The following RIF1 variants were observed in gnomAD, a reference collection of about 807,000 sequenced individuals.
RIF1 encodes the protein replication timing regulatory factor 1, also known as telomere-associated protein RIF1.
RIF1 carries 45 observed loss-of-function variants against 247.1 expected under a neutral mutation model. The ratio of observed to expected loss-of-function variants is 0.18; its 90% CI spans 0.14 to 0.23. RIF1 has a LOEUF of 0.23. RIF1 is among the 10% of genes least tolerant of loss of function. The pLI is 1.00. For synonymous variants in RIF1, 1,087 were observed against 978.8 expected, an observed-to-expected ratio of 1.11 and a Z score of -2.06; for missense variants, 2,967 against 2,862.5, an observed-to-expected ratio of 1.04 and a Z score of -0.83.
At chr2:151,429,065 A>G (rs1238830796) in intron 9 of RIF1, 143 bp downstream of exon 9, 2 of 595,510 alleles carry the variant, frequency 3.4e-6, no homozygotes, top group African/African-American at 1.9e-5. Flanking sequence ...ACAGGAATAA[A>G]TTTGTACTGA....
Position 151,435,586 on chromosome 2 carries a change from A to C in RIF1, c.1195+6A>C. The C allele has an allele frequency of 1.4e-6, 2 of 1,479,606 alleles. No individual in the cohort carries two copies. Among genetic ancestry groups the C allele is most frequent in the Non-Finnish European group, 1.9e-6 (2 of 1,058,718 alleles). 91.7% of individuals were successfully genotyped at this position (1,479,606 alleles called of 1,614,324 possible). On this transcript the variant is annotated splice_donor_region_variant and intron_variant, in intron 11 of 35. Transcript: ENST00000444746. The stretch of plus-strand genomic sequence containing the variant: ...TATGACTCCTGTACACAAAGGTAAG[A>C]GGTAGATATTCTTGTTTTTTGCTTT...
At chr2:151,494,044 A>C in intron 9 of RIF1, 1 of 960,550 alleles carries the variant, frequency 1.0e-6, no homozygotes, top group Non-Finnish European at 1.6e-6. Context: ...TATTTAGAGC[A>C]GATGCAAATG....
At chr2:151,474,459 G>A (rs542851743) in intron 35 of RIF1, among the ~76,000 whole-genome samples, 12 of 152,256 alleles carry the variant, frequency 7.9e-5, no homozygotes, top group African/African-American at 2.9e-4. Flanking sequence ...TGGGTGGATC[G>A]CTTGAGGTCA....
chr2:151,502,980 C>CA, intron 11 of RIF1: 2 of 717,184 alleles, frequency 2.8e-6, no homozygotes, highest in South Asian at 3.5e-5. Context: ...TGTGAGGAGG[C>CA]AGTTTTTTAG....
Position 151,479,856 on chromosome 2 carries a change from A to T in RIF1, c.*4785A>T, listed in dbSNP as rs1232741342. On this transcript the variant is annotated 3_prime_UTR_variant, in exon 36 of 36. Coordinates refer to ENST00000444746, the MANE Select transcript of RIF1 (RefSeq NM_018151.5). ...TAAAAATTTATCAAAATTTATTGATAGTTTGATCTGTAAAACAAATTGGGT... is the reference window on the plus strand; with the variant it reads ...TAAAAATTTATCAAAATTTATTGATTGTTTGATCTGTAAAACAAATTGGGT... 6.6e-6 allele frequency: 1 copy of T among 152,216 alleles called. No individual in the cohort carries two copies. The highest frequency in any genetic ancestry group is 2.4e-5 in the African/African-American group (1 of 41,470). The allele number at this position is 152,216 out of a possible 1,614,324, so 9.4% of individuals were successfully genotyped here.
chr2:151,449,876 CTTG>C (rs1285388243), intron 20 of RIF1, among the ~76,000 whole-genome samples: 1 of 140,350 alleles, frequency 7.1e-6, no homozygotes, highest in African/African-American at 2.6e-5. Flanking sequence ...GAGTTTCACT[CTTG>C]TTGTCCAGGC....
the RIF1 span, among the ~76,000 whole-genome samples, chr2:151,533,128 C>A: frequency 2.0e-5 from 3 of 152,136 alleles, no homozygotes; most frequent in African/African-American, 7.2e-5. Flanking sequence ...TATCTTCAAT[C>A]TCTAAGGAAT....
chr2:151,505,098 G>A (rs2067762355), intron 12 of RIF1, among the ~76,000 whole-genome samples: 1 of 152,194 alleles, frequency 6.6e-6, no homozygotes, highest in South Asian at 2.1e-4. Flanking sequence ...ACCAAAGTAT[G>A]TTATACTACT....
chr2:151,439,972 C>CAA (rs1165450117), intron 14 of RIF1, 55 bp from the exon 15 acceptor site: 7,884 of 273,918 alleles, frequency 0.029, 79 homozygotes, highest in East Asian at 0.035. Context: ...GACCCTGTCT[C>CAA]AAAAAAAAAA....
rs185067234 is a variant in RIF1, at chr2:151,459,111, C to G, written c.2955+201C>G. On this transcript the variant is annotated intron_variant, in intron 25 of 35. Transcript: ENST00000444746. ...ATAATCTCTAATTCTTGTCATTAAT[C>G]ATTTGTTTTGAACTCGGGTACCTCA... Among the ~76,000 whole-genome samples the G allele has an allele frequency of 4.0e-3, 614 of 152,266 alleles. 2 individuals carry two copies. The highest frequency in any genetic ancestry group is 6.6e-3 in the Non-Finnish European group (448 of 68,000).
At position 151,463,460 on chromosome 2, in the gene RIF1, A is replaced by G; in HGVS notation, c.3940A>G (p.Thr1314Ala). 1.9e-6 allele frequency: 3 copies of G among 1,614,058 alleles called. No individual in the cohort carries two copies. The highest frequency in any genetic ancestry group is 1.3e-5 in the African/African-American group (1 of 75,062). ...AATGAGATCTGAGCCGGAGAAAAATACTGAGGAATCTGTTGAAGGCATTGT... is the reference window on the plus strand; with the variant it reads ...AATGAGATCTGAGCCGGAGAAAAATGCTGAGGAATCTGTTGAAGGCATTGT... ...PLMRSEPEKN[T>A]EESVEGIVVL... Residue 1314 changes from threonine to alanine, a missense_variant, in exon 30 of 36, where the codon ACT (threonine) becomes GCT (alanine). This residue lies in a region of RIF1 where 2,028 missense variants were observed against 1,825.6 expected (regional missense o/e 1.11). Coordinates refer to ENST00000444746, the MANE Select transcript of RIF1 (RefSeq NM_018151.5).
the RIF1 span, among the ~76,000 whole-genome samples, chr2:151,514,059 AAT>A: frequency 2.0e-5 from 3 of 152,250 alleles, no homozygotes; most frequent in East Asian, 5.8e-4. Context: ...GAGCACACCA[AAT>A]ATATCAAGTT....
chr2:151,495,119 TTAAG>T (rs2059356470), intron 9 of RIF1: 1 of 152,366 alleles, frequency 6.6e-6, no homozygotes, highest in East Asian at 1.9e-4. Context: ...CAGCTTATCA[TTAAG>T]GAATAAGGTT....
At chr2:151,484,157 A>G (rs918779690), downstream of RIF1, among the ~76,000 whole-genome samples, 1 of 152,198 alleles carries the variant, frequency 6.6e-6, no homozygotes, top group Non-Finnish European at 1.5e-5. Flanking sequence ...TGTGGAACTC[A>G]AGGATCTTGG....
chr2:151,528,537 C>T, the RIF1 span, among the ~76,000 whole-genome samples: 1 of 152,184 alleles, frequency 6.6e-6, no homozygotes, highest in African/African-American at 2.4e-5. Flanking sequence ...TCAATCCATC[C>T]TCAGGATACG....
chr2:151,422,523 A>G (rs1223661096), intron 7 of RIF1, among the ~76,000 whole-genome samples: 1 of 147,580 alleles, frequency 6.8e-6, no homozygotes, highest in African/African-American at 2.5e-5. Flanking sequence ...TTTTTTTGAG[A>G]CAGTCTTGCT....
At chr2:151,444,758 A>G (rs976184022) in intron 18 of RIF1, among the ~76,000 whole-genome samples, 15 of 152,214 alleles carry the variant, frequency 9.9e-5, no homozygotes, top group African/African-American at 3.6e-4. Flanking sequence ...CTGTGTATGT[A>G]TAGTAGAAGA....
At chr2:151,449,747 T>G in intron 20 of RIF1, among the ~76,000 whole-genome samples, 1 of 122,340 alleles carries the variant, frequency 8.2e-6, no homozygotes, top group East Asian at 2.4e-4. Flanking sequence ...TCTTTGTCTT[T>G]AATACATTGA....
chr2:151,442,791 T>TTG (rs1357954983), intron 16 of RIF1, among the ~76,000 whole-genome samples: 16 of 114,842 alleles, frequency 1.4e-4, no homozygotes, highest in Non-Finnish European at 2.8e-4. Context: ...TTTTTTTTTT[T>TTG]GAGACAGAGT....
Sources: gnomAD v4.1 joint callset for allele counts (sites outside exome capture counted in the v4.1 genomes callset) on GRCh38, gnomAD v4.1.1 for gene constraint, gnomAD v4.1.1 regional missense constraint, MANE v1.5 for transcripts, NCBI Gene and HGNC (gene_info 2026-07-23, HGNC 2026-07-21) for gene names.